Variants in CDK14 observed in about 807,000 individuals in gnomAD.
The protein encoded by CDK14 is cyclin-dependent kinase 14.
Under a neutral mutation model 60.7 loss-of-function variants are expected in CDK14, and 34 were observed. That is an observed-to-expected ratio of 0.56 (90% CI 0.43 to 0.75). The LOEUF is 0.75. Among genes scored for constraint, CDK14 ranks in the 30% least tolerant of loss-of-function variants. CDK14 has a pLI of 0.00. For synonymous variants in CDK14, 197 were observed against 203.7 expected (o/e 0.97, Z 0.28); for missense variants, 482 against 564.1 (o/e 0.85, Z 1.47).
At chr7:90,743,745 T>C (rs1050246053) in intron 3 of CDK14, among the ~76,000 whole-genome samples, 2 of 152,178 alleles carry the variant, frequency 1.3e-5, no homozygotes, top group Non-Finnish European at 2.9e-5. Flanking sequence ...GAGATATTAA[T>C]TTAATCTATT....
chr7:90,981,803 G>GAAGCAAAACAAAACAAAACA (rs1795233528), intron 9 of CDK14, among the ~76,000 whole-genome samples: 1 of 148,492 alleles, frequency 6.7e-6, no homozygotes, highest in Non-Finnish European at 1.5e-5. Context: ...GAGAGTTCTA[G>GAAGCAAAACAAAACAAAACA]AAACAAAACA....
At chr7:91,063,909 T>A (rs999028638) in intron 11 of CDK14, among the ~76,000 whole-genome samples, 4 of 152,336 alleles carry the variant, frequency 2.6e-5, no homozygotes, top group East Asian at 1.9e-4. Context: ...GTGTTTTTTT[T>A]ATGTGTCAGG....
chr7:91,074,167 A>G (rs1171662324), intron 11 of CDK14, among the ~76,000 whole-genome samples: 1 of 152,100 alleles, frequency 6.6e-6, no homozygotes, highest in Non-Finnish European at 1.5e-5. Flanking sequence ...CAGCTACAGA[A>G]CTCTCCACCC....
At chr7:91,120,071 T>A (rs1007804584) in intron 14 of CDK14, among the ~76,000 whole-genome samples, 1 of 152,220 alleles carries the variant, frequency 6.6e-6, no homozygotes, top group Non-Finnish European at 1.5e-5. Flanking sequence ...GCTTTATAAA[T>A]CCCTTCACCA....
At chr7:91,173,282 T>TAAG (rs1438218594) in intron 14 of CDK14, among the ~76,000 whole-genome samples, 2 of 152,158 alleles carry the variant, frequency 1.3e-5, no homozygotes, top group Admixed American at 1.3e-4. Context: ...TTCACCTCAT[T>TAAG]AAGAGGTACA....
chr7:90,769,470 C>CTTTTTTTTTT (rs10647062), intron 4 of CDK14, among the ~76,000 whole-genome samples: 1 of 144,178 alleles, frequency 6.9e-6, no homozygotes. Context: ...TTTCTCTTTT[C>CTTTTTTTTTT]TTTCTTTTTT....
intron 2 of CDK14, chr7:90,709,413 A>G: frequency 7.1e-7 from 1 of 1,417,450 alleles, no homozygotes; most frequent in African/African-American, 1.5e-5. Context: ...CCCTTGATTA[A>G]ATGTTTTTCC....
chr7:90,986,300 A>G (rs879346202), intron 10 of CDK14, among the ~76,000 whole-genome samples: 1 of 152,058 alleles, frequency 6.6e-6, no homozygotes, highest in Non-Finnish European at 1.5e-5. Context: ...TTGCACAATC[A>G]TCCTGTTAGT....
chr7:90,904,193 G>C (rs945351765), intron 7 of CDK14, among the ~76,000 whole-genome samples: 1 of 152,088 alleles, frequency 6.6e-6, no homozygotes, highest in Non-Finnish European at 1.5e-5. Context: ...AGCAAAAGTC[G>C]TGCCTCAAGG....
intron 10 of CDK14, among the ~76,000 whole-genome samples, chr7:90,998,193 TATA>T (rs1279578158): frequency 6.6e-6 from 1 of 152,202 alleles, no homozygotes; most frequent in Non-Finnish European, 1.5e-5. Context: ...TTTAGATGAA[TATA>T]ATGTGTTTTT....
At chr7:91,007,685 T>C (rs1285658653) in intron 10 of CDK14, among the ~76,000 whole-genome samples, 3 of 152,120 alleles carry the variant, frequency 2.0e-5, no homozygotes, top group Admixed American at 2.0e-4. Context: ...TTCAGCTGTA[T>C]AGAATGAAAA....
chr7:91,034,753 CATA>C (rs1342118510), intron 10 of CDK14, among the ~76,000 whole-genome samples: 1 of 152,144 alleles, frequency 6.6e-6, no homozygotes, highest in Non-Finnish European at 1.5e-5. Context: ...AACCCAGAAT[CATA>C]GTATTTTAAG....
chr7:90,950,102 G>C (rs1329866557), intron 8 of CDK14, among the ~76,000 whole-genome samples: 1 of 152,088 alleles, frequency 6.6e-6, no homozygotes, highest in East Asian at 1.9e-4. Flanking sequence ...TTTTATTTTT[G>C]TTTTTTGAGA....
chr7:90,694,033 CAT>C (rs1489243101), intron 2 of CDK14, among the ~76,000 whole-genome samples: 1 of 152,126 alleles, frequency 6.6e-6, no homozygotes, highest in Admixed American at 6.6e-5. Context: ...ATGTCCATGA[CAT>C]GTGGATGTTC....
At chr7:90,604,131 CT>C in intron 1 of CDK14, 86 bp from the exon 2 acceptor site, 1 of 834,272 alleles carries the variant, frequency 1.2e-6, no homozygotes, top group Non-Finnish European at 1.9e-6. Flanking sequence ...AAACACCATA[CT>C]GCCTTGTTTT....
In CDK14 at chr7:90,781,340, C is replaced by T. The variant is rs1044924796; in HGVS notation, c.465-9233C>T. 4.6e-5 allele frequency among the ~76,000 whole-genome samples: 7 copies of T among 152,090 alleles called. No individual in the cohort carries two copies. The South Asian group carries it at 8.3e-4, about 18-fold the overall frequency. On this transcript the variant is annotated intron_variant, in intron 4 of 14. Transcript: ENST00000380050. ...AGCCCTTTGTCAGATGAGTAGGTTGCGAAAATTTTCTCCCATTTTATGGGT... is the reference window on the plus strand; with the variant it reads ...AGCCCTTTGTCAGATGAGTAGGTTGTGAAAATTTTCTCCCATTTTATGGGT...
intron 11 of CDK14, among the ~76,000 whole-genome samples, chr7:91,053,007 A>G (rs558251830): frequency 5.3e-5 from 8 of 152,260 alleles, no homozygotes; most frequent in African/African-American, 1.9e-4. Flanking sequence ...ATGAGGCAAA[A>G]AAAAAAGCCG....
chr7:90,799,955 G>GA (rs1362940570), intron 5 of CDK14, among the ~76,000 whole-genome samples: 1 of 151,998 alleles, frequency 6.6e-6, no homozygotes, highest in African/African-American at 2.4e-5. Flanking sequence ...ATCCACATAG[G>GA]ACAAGAAAGG....
At chr7:91,015,524 T>TTG (rs1796276286) in intron 10 of CDK14, among the ~76,000 whole-genome samples, 1 of 121,434 alleles carries the variant, frequency 8.2e-6, no homozygotes, top group South Asian at 2.9e-4. Flanking sequence ...GTCTTGGGTT[T>TTG]TTTTTTTTTT....
Sources: gnomAD v4.1 joint callset for allele counts (sites outside exome capture counted in the v4.1 genomes callset) on GRCh38, gnomAD v4.1.1 for gene constraint, MANE v1.5 for transcripts, NCBI Gene and HGNC (gene_info 2026-07-23, HGNC 2026-07-21) for gene names.